OR2AJ1: variants seen among roughly 807,000 people sequenced by gnomAD.
The protein encoded by OR2AJ1 is olfactory receptor family 2 subfamily AJ member 1.
For synonymous variants in OR2AJ1, 105 were observed against 60.3 expected, an observed-to-expected ratio of 1.74 and a Z score of -3.44; for missense variants, 280 against 163.2, an observed-to-expected ratio of 1.72 and a Z score of -3.90.
At chr1:247,928,497 G>C (rs949313423) in intron 1 of OR2AJ1, among the ~76,000 whole-genome samples, 4 of 152,142 alleles carry the variant, frequency 2.6e-5, no homozygotes, top group African/African-American at 7.2e-5. Context: ...TGCAGAAGGT[G>C]TTTAGTTTAA....
At position 247,934,999 on chromosome 1, in the gene OR2AJ1, T is replaced by C. The variant is rs191542137; in HGVS notation, c.*244T>C. On this transcript the variant is annotated 3_prime_UTR_variant, in exon 2 of 2. Coordinates refer to ENST00000318244, the MANE Select transcript of OR2AJ1 (RefSeq NM_001355235.2). ...TTCCCTAACACCAAAATTGTAAGAC[T>C]TATGAGAATATCCCTAAAAATACAG... 1.1e-5 allele frequency: 4 copies of C among 358,690 alleles called. No individual in the cohort carries two copies. The highest frequency in any genetic ancestry group is 2.1e-5 in the African/African-American group (1 of 47,750). The allele number at this position is 358,690 out of a possible 1,614,324, so 22.2% of individuals were successfully genotyped here.
chr1:247,925,600 A>T (rs962238486), intron 1 of OR2AJ1, among the ~76,000 whole-genome samples: 2 of 152,074 alleles, frequency 1.3e-5, no homozygotes, highest in Admixed American at 6.6e-5. Flanking sequence ...AATTTTATGA[A>T]TTTTTTTTAA....
At position 247,934,994 on chromosome 1, in the gene OR2AJ1, A is replaced by G. The variant is rs538520271; in HGVS notation, c.*239A>G. The G allele has an allele frequency of 5.3e-6, 2 of 375,982 alleles. No homozygotes were observed. The highest frequency in any genetic ancestry group is 8.5e-5 in the Admixed American group (2 of 23,480). The allele number at this position is 375,982 out of a possible 1,614,324, so 23.3% of individuals were successfully genotyped here. On this transcript the variant is annotated 3_prime_UTR_variant, in exon 2 of 2. Coordinates refer to ENST00000318244, the MANE Select transcript of OR2AJ1 (RefSeq NM_001355235.2). Reference sequence around the variant, plus strand: ...TCCTATTCCCTAACACCAAAATTGTAAGACTTATGAGAATATCCCTAAAAA... The same window carrying G: ...TCCTATTCCCTAACACCAAAATTGTGAGACTTATGAGAATATCCCTAAAAA...
At position 247,934,141 on chromosome 1, in the gene OR2AJ1, GCTAT is replaced by G. The variant is rs376773777; in HGVS notation, c.376_379del (p.Ile126ValfsTer10). 1.4e-3 allele frequency: 978 copies of G among 718,936 alleles called. 17 individuals are homozygous for G. Among genetic ancestry groups the G allele is most frequent in the South Asian group, 0.013 (869 of 67,634 alleles). 44.5% of individuals were successfully genotyped at this position (718,936 alleles called of 1,614,324 possible). On this transcript the variant is annotated frameshift_variant, in exon 2 of 2. Transcript: ENST00000318244. LOFTEE classifies it low-confidence loss of function (END_TRUNC). ...TGCAATGTCCTGTGATCGCTATGTG[GCTAT>G]CTGTCACCCGCTGCGCTATCCGATT...
chr1:247,934,067 A>G lies in OR2AJ1; in HGVS notation c.299A>G (p.Gln100Arg), dbSNP rs1660185883. 1 of 717,646 alleles carries G rather than the reference A, an allele frequency of 1.4e-6. No homozygotes were observed. Among genetic ancestry groups the G allele is most frequent in the Non-Finnish European group, 2.6e-6 (1 of 385,172 alleles). The allele number at this position is 717,646 out of a possible 1,614,324, so 44.5% of individuals were successfully genotyped here. Residue 100 changes from glutamine to arginine, a missense_variant, in exon 2 of 2, where the codon CAG becomes CGG. Transcript: ENST00000318244. The stretch of plus-strand genomic sequence containing the variant: ...ATTTCATTTGCAGGTTGTGGGTTCC[A>G]GGTATTTCTGTCCCTCACCCTCCTG... ...RTISFAGCGF[Q>R]VFLSLTLLGG...
In OR2AJ1 at chr1:247,935,046, G is replaced by T; in HGVS notation, c.*291G>T. 4.3e-6 allele frequency: 1 copy of T among 232,936 alleles called. No individual in the cohort carries two copies. Among genetic ancestry groups the T allele is most frequent in the Non-Finnish European group, 8.2e-6 (1 of 122,384 alleles). 14.4% of individuals were successfully genotyped at this position (232,936 alleles called of 1,614,324 possible). A position where few individuals can be genotyped will look rare whatever the true frequency, so the allele number is the denominator to read the frequency against. On this transcript the variant is annotated 3_prime_UTR_variant, in exon 2 of 2. Coordinates refer to ENST00000318244, the MANE Select transcript of OR2AJ1 (RefSeq NM_001355235.2). ...ACAGTCACACATCCATTGTATAAAAGACAAATCCATGTTTATTTTTATAAA... is the reference window on the plus strand; with the variant it reads ...ACAGTCACACATCCATTGTATAAAATACAAATCCATGTTTATTTTTATAAA...
At chr1:247,930,766 C>G (rs1340414046) in intron 1 of OR2AJ1, among the ~76,000 whole-genome samples, 4 of 152,148 alleles carry the variant, frequency 2.6e-5, no homozygotes, top group African/African-American at 9.7e-5. Flanking sequence ...CACACACACA[C>G]ACAGACATTT....
chr1:247,931,248 T>C (rs1178663508), intron 1 of OR2AJ1, among the ~76,000 whole-genome samples: 1 of 152,234 alleles, frequency 6.6e-6, no homozygotes, highest in East Asian at 1.9e-4. Flanking sequence ...AGATGGGTGA[T>C]AAATGAACTT....
At chr1:247,933,668 A>G (rs867430916) in intron 1 of OR2AJ1, 79 bp from the exon 2 acceptor site, 4 of 502,856 alleles carry the variant, frequency 8.0e-6, no homozygotes, top group Middle Eastern at 5.2e-4. Flanking sequence ...CTCTCATTTT[A>G]TTATGCAGGT....
At position 247,934,348 on chromosome 1, in the gene OR2AJ1, C is replaced by T. The variant is rs1368156458; in HGVS notation, c.580C>T (p.Arg194Cys). Residue 194 changes from arginine to cysteine, a missense_variant, in exon 2 of 2, where the codon CGC becomes TGC. Arg to Cys is a radical substitution (Grantham distance 180). Coordinates refer to ENST00000318244, the MANE Select transcript of OR2AJ1 (RefSeq NM_001355235.2). ...GAAGTTGTCCTGTGCAGACACAACA[C>T]GCTATGAACGAGGGGTTTGTGTAAG... ...MLKLSCADTT[R>C]YERGVCVSAV... 3 of 730,646 alleles carry T rather than the reference C, an allele frequency of 4.1e-6. No homozygotes were observed. Among genetic ancestry groups the T allele is most frequent in the East Asian group, 2.6e-5 (1 of 38,374 alleles). The allele number at this position is 730,646 out of a possible 1,614,324, so 45.3% of individuals were successfully genotyped here. A position where few individuals can be genotyped will look rare whatever the true frequency, so the allele number is the denominator to read the frequency against.
intron 1 of OR2AJ1, among the ~76,000 whole-genome samples, chr1:247,930,846 T>G (rs879532777): frequency 6.6e-6 from 1 of 152,188 alleles, no homozygotes; most frequent in Non-Finnish European, 1.5e-5. Context: ...TTCTTTTGTA[T>G]TAAACTTAGT....
intron 1 of OR2AJ1, among the ~76,000 whole-genome samples, chr1:247,927,497 G>GTGTGTGTGTATGTGT (rs1553341346): frequency 6.7e-6 from 1 of 148,334 alleles, no homozygotes; most frequent in Non-Finnish European, 1.5e-5. Context: ...ACATTTAGGG[G>GTGTGTGTGTATGTGT]GTGTGTGTGT....
Position 247,925,160 on chromosome 1 carries a change from C to G in OR2AJ1, c.-31C>G, listed in dbSNP as rs1359669652. 6.6e-6 allele frequency: 1 copy of G among 152,410 alleles called. No homozygotes were observed. The highest frequency in any genetic ancestry group is 1.5e-5 in the Non-Finnish European group (1 of 68,276). The allele number at this position is 152,410 out of a possible 1,614,324, so 9.4% of individuals were successfully genotyped here. A position where few individuals can be genotyped will look rare whatever the true frequency, so the allele number is the denominator to read the frequency against. On this transcript the variant is annotated 5_prime_UTR_variant, in exon 1 of 2. Transcript: ENST00000318244. Reference sequence around the variant, plus strand: ...CCTGCCTGGAATGTCCTGTGCGGAGCGGAACGTGGTAAGGTCAAATGTGGT... The same window carrying G: ...CCTGCCTGGAATGTCCTGTGCGGAGGGGAACGTGGTAAGGTCAAATGTGGT...
In OR2AJ1 at chr1:247,932,313, G is replaced by T. The variant is rs548023818; in HGVS notation, c.-22-1434G>T. Among the ~76,000 whole-genome samples the T allele has an allele frequency of 9.9e-5, 15 of 152,264 alleles. No individual in the cohort carries two copies. In the South Asian group the frequency reaches 1.0e-3, roughly 11 times the overall value. On this transcript the variant is annotated intron_variant, in intron 1 of 1. Coordinates refer to ENST00000318244, the MANE Select transcript of OR2AJ1 (RefSeq NM_001355235.2). ...ATCACACCACTACACTCCAGCATGG[G>T]CAACAGAGCAAGACTCTGTCTCAAA... is the stretch of plus-strand genomic sequence containing the variant.
chr1:247,932,325 G>A (rs998929405), intron 1 of OR2AJ1, among the ~76,000 whole-genome samples: 2 of 152,186 alleles, frequency 1.3e-5, no homozygotes, highest in Non-Finnish European at 2.9e-5. Flanking sequence ...AACAGAGCAA[G>A]ACTCTGTCTC....
chr1:247,925,812 C>T (rs1660085005), intron 1 of OR2AJ1, among the ~76,000 whole-genome samples: 1 of 152,110 alleles, frequency 6.6e-6, no homozygotes, highest in Non-Finnish European at 1.5e-5. Context: ...ACTGGAATTA[C>T]AGTAGATTGA....
Position 247,934,708 on chromosome 1 carries a change from A to G in OR2AJ1, c.940A>G (p.Met314Val). The change falls in exon 2 of 2, where the codon ATG (methionine) becomes GTG (valine). Residue 314 changes from methionine to valine, a missense_variant. Coordinates refer to ENST00000318244, the MANE Select transcript of OR2AJ1 (RefSeq NM_001355235.2). ...CAAAAGTAACTTTCTGCACAAAAAA[A>G]TGAATAGGAAAATTCCTGAATGTGT... ...MLKSNFLHKK[M>V]NRKIPECVFC... 4.2e-6 allele frequency: 3 copies of G among 714,498 alleles called. No individual in the cohort carries two copies. The highest frequency in any genetic ancestry group is 5.2e-6 in the Non-Finnish European group (2 of 384,950). 44.3% of individuals were successfully genotyped at this position (714,498 alleles called of 1,614,324 possible).
chr1:247,928,821 G>A (rs891140590), intron 1 of OR2AJ1, among the ~76,000 whole-genome samples: 3 of 152,160 alleles, frequency 2.0e-5, no homozygotes, highest in Non-Finnish European at 2.9e-5. Flanking sequence ...TGGGCCGGGC[G>A]CGGTGCCTCA....
intron 1 of OR2AJ1, among the ~76,000 whole-genome samples, chr1:247,930,216 T>G (rs79623519): frequency 0.014 from 2,138 of 152,284 alleles, 45 homozygotes; most frequent in African/African-American, 0.048. Flanking sequence ...TAGGAACAAA[T>G]AAATAACTAC....
Sources: gnomAD v4.1 joint callset for allele counts (sites outside exome capture counted in the v4.1 genomes callset) on GRCh38, gnomAD v4.1.1 for gene constraint, MANE v1.5 for transcripts, NCBI Gene and HGNC (gene_info 2026-07-23, HGNC 2026-07-21) for gene names.